DENND4A: variants seen among roughly 807,000 people sequenced by gnomAD.
DENND4A encodes the protein C-myc promoter-binding protein.
In DENND4A, 70 loss-of-function variants were observed where a neutral mutation model predicts 199.3. That is an observed-to-expected ratio of 0.35 (90% confidence interval 0.29 to 0.43). The LOEUF (loss-of-function observed/expected upper bound fraction) is 0.43. Among genes scored for constraint, DENND4A ranks in the 20% least tolerant of loss-of-function variants. DENND4A has a pLI of 1.00. For missense variants in DENND4A, 1,723 were observed against 2,255.8 expected, an observed-to-expected ratio of 0.76 and a Z score of 4.78; for synonymous variants, 686 against 766.9, an observed-to-expected ratio of 0.89 and a Z score of 1.74.
intron 1 of DENND4A, among the ~76,000 whole-genome samples, chr15:65,769,569 G>T (rs1375977755): frequency 6.6e-6 from 1 of 152,110 alleles, no homozygotes; most frequent in Non-Finnish European, 1.5e-5. Flanking sequence ...ACCAAAAAAA[G>T]TATAAATTCA....
At chr15:65,788,178 G>A (rs923691866) in intron 1 of DENND4A, among the ~76,000 whole-genome samples, 3 of 151,718 alleles carry the variant, frequency 2.0e-5, no homozygotes, top group Non-Finnish European at 4.4e-5. Flanking sequence ...CCAGGTTCAC[G>A]CCATTCTCCT....
chr15:65,709,660 C>CT (rs2075171160), intron 14 of DENND4A, among the ~76,000 whole-genome samples: 1 of 131,170 alleles, frequency 7.6e-6, no homozygotes, highest in Non-Finnish European at 1.5e-5. Context: ...TGCCATTGCA[C>CT]TCCAGCCTGG....
In DENND4A at chr15:65,752,365, AG is replaced by A; in HGVS notation, c.561+13del. The A allele has an allele frequency of 6.5e-7, 1 of 1,544,178 alleles. No individual in the cohort carries two copies. The highest frequency in any genetic ancestry group is 8.8e-7 in the Non-Finnish European group (1 of 1,139,466). ...ATCAGTGGTTAATGTTACCAGTGCA[AG>A]TAAGTCACTTACCATACTGTTATTG... On this transcript the variant is annotated intron_variant, in intron 4 of 32. Transcript: ENST00000443035.
intron 21 of DENND4A, 30 bp from the exon 22 acceptor site, chr15:65,696,527 A>G (rs752554109): frequency 4.5e-6 from 7 of 1,564,144 alleles, no homozygotes; most frequent in Non-Finnish European, 6.1e-6. Context: ...AATGTTAATA[A>G]AATGAAATCT....
intron 20 of DENND4A, among the ~76,000 whole-genome samples, chr15:65,699,529 T>C (rs1410053532): frequency 2.6e-5 from 4 of 151,108 alleles, no homozygotes; most frequent in African/African-American, 9.7e-5. Context: ...CAATTCTATA[T>C]ACACATATAT....
Position 65,763,807 on chromosome 15 carries a change from T to C in DENND4A, c.-101-2369A>G, listed in dbSNP as rs186872930. On this transcript the variant is annotated intron_variant, in intron 1 of 32. Coordinates refer to ENST00000443035, the MANE Select transcript of DENND4A (RefSeq NM_001320835.1). ...GCTAAATATTGTCAGGATAGATATA[T>C]GTATTTTTAAAATGAGGATGCCAAA... Among the ~76,000 whole-genome samples, 200 of 152,246 alleles carry C rather than the reference T, an allele frequency of 1.3e-3. 1 individual carries two copies. Among genetic ancestry groups the C allele is most frequent in the African/African-American group, 4.6e-3 (193 of 41,528 alleles).
At chr15:65,668,323 C>T (rs2076110611) in intron 27 of DENND4A, among the ~76,000 whole-genome samples, 200 bp from the exon 28 acceptor site, 1 of 151,942 alleles carries the variant, frequency 6.6e-6, no homozygotes, top group Non-Finnish European at 1.5e-5. Context: ...ATCCTCCCAC[C>T]TCAGCCTCCC....
At chr15:65,707,257 GAAT>G (rs1459864232) in intron 14 of DENND4A, among the ~76,000 whole-genome samples, 2 of 151,748 alleles carry the variant, frequency 1.3e-5, no homozygotes, top group Admixed American at 6.6e-5. Context: ...AAACTAAAAA[GAAT>G]AATATTGATA....
At chr15:65,701,948 AG>A (rs2074885385) in intron 17 of DENND4A, 58 bp from the exon 18 acceptor site, 2 of 1,602,004 alleles carry the variant, frequency 1.2e-6, no homozygotes, top group African/African-American at 2.7e-5. Flanking sequence ...ACATAAATCT[AG>A]AATAAAATAA....
intron 1 of DENND4A, chr15:65,771,134 T>A: frequency 6.6e-7 from 1 of 1,523,770 alleles, no homozygotes; most frequent in Non-Finnish European, 8.8e-7. Context: ...ACAGAAAAAA[T>A]AAAGAGTACG....
intron 22 of DENND4A, among the ~76,000 whole-genome samples, chr15:65,695,603 CT>C (rs565887149): frequency 8.0e-4 from 122 of 152,196 alleles, no homozygotes; most frequent in African/African-American, 2.8e-3. Flanking sequence ...ATATTTCAGC[CT>C]TGACAGCACA....
chr15:65,703,763 T>A (rs1467434951), intron 15 of DENND4A, among the ~76,000 whole-genome samples: 1 of 152,194 alleles, frequency 6.6e-6, no homozygotes, highest in Non-Finnish European at 1.5e-5. Flanking sequence ...GCCCAGGAAT[T>A]CAAGGCTGTA....
Position 65,676,754 on chromosome 15 carries a change from A to G in DENND4A, c.4180-120T>C. The G allele has an allele frequency of 8.1e-6, 6 of 740,984 alleles. No individual in the cohort carries two copies. In the South Asian group the frequency reaches 1.5e-4, roughly 19 times the overall value. 45.9% of individuals were successfully genotyped at this position (740,984 alleles called of 1,614,324 possible). On this transcript the variant is annotated intron_variant, in intron 23 of 32. Transcript: ENST00000443035. ...TACCCAGATGATCAGCTGAACTAATATTACAACATCTAGAGAAAAAAACAA... is the reference window on the plus strand; with the variant it reads ...TACCCAGATGATCAGCTGAACTAATGTTACAACATCTAGAGAAAAAAACAA...
chr15:65,748,019 G>C (rs886884720), intron 4 of DENND4A, among the ~76,000 whole-genome samples: 1 of 123,390 alleles, frequency 8.1e-6, no homozygotes, highest in Admixed American at 1.1e-4. Context: ...CAGCCTGGGC[G>C]ACAGAGCGAT....
At chr15:65,748,064 G>GAAA (rs1555431499) in intron 4 of DENND4A, among the ~76,000 whole-genome samples, 7 of 97,056 alleles carry the variant, frequency 7.2e-5, no homozygotes, top group South Asian at 6.7e-4. Context: ...AAAAAAAAAA[G>GAAA]GAAAAAAAAA....
At chr15:65,783,424 C>T (rs1244945725) in intron 1 of DENND4A, among the ~76,000 whole-genome samples, 1 of 152,060 alleles carries the variant, frequency 6.6e-6, no homozygotes, top group Non-Finnish European at 1.5e-5. Context: ...TCATGTTTAC[C>T]TCAATATAGA....
At position 65,706,566 on chromosome 15, in the gene DENND4A, A is replaced by G. The variant is rs549247481; in HGVS notation, c.1954-342T>C. ...GGATGGAGTGCAGTGGCACGATCTC[A>G]GCTCACTGCAACCTCTGCCTCCCGG... On this transcript the variant is annotated intron_variant, in intron 14 of 32. Transcript: ENST00000443035. Among the ~76,000 whole-genome samples the G allele has an allele frequency of 8.6e-5, 13 of 151,310 alleles. No homozygotes were observed. The South Asian group carries it at 2.7e-3, about 32-fold the overall frequency.
At chr15:65,757,828 C>G (rs561709637) in intron 2 of DENND4A, among the ~76,000 whole-genome samples, 2 of 152,162 alleles carry the variant, frequency 1.3e-5, no homozygotes, top group Non-Finnish European at 2.9e-5. Context: ...ACTAAAAATA[C>G]AAAATTAGCC....
intron 7 of DENND4A, 43 bp from the exon 8 acceptor site, chr15:65,732,861 C>T (rs780397278): frequency 2.1e-5 from 26 of 1,210,220 alleles, no homozygotes; most frequent in Admixed American, 1.3e-4. Context: ...AAGTGAACGT[C>T]ATATGCTATA....
Sources: gnomAD v4.1 joint callset for allele counts (sites outside exome capture counted in the v4.1 genomes callset) on GRCh38, gnomAD v4.1.1 for gene constraint, MANE v1.5 for transcripts, NCBI Gene and HGNC (gene_info 2026-07-23, HGNC 2026-07-21) for gene names.